TLE5: variants seen among roughly 807,000 people sequenced by gnomAD.
The protein encoded by TLE5 is TLE family member 5.
Under a neutral mutation model 25.8 loss-of-function variants are expected in TLE5, and 7 were observed. The ratio of observed to expected loss-of-function variants is 0.27; its 90% confidence interval spans 0.15 to 0.51. The LOEUF (loss-of-function observed/expected upper bound fraction) is 0.51, where lower values mean the gene tolerates loss of function less well. TLE5 is among the 20% of genes least tolerant of loss of function. TLE5 has a pLI of 0.97. For synonymous variants in TLE5, 132 were observed against 110.5 expected, an observed-to-expected ratio of 1.20 and a Z score of -1.22; for missense variants, 149 against 250.7, an observed-to-expected ratio of 0.59 and a Z score of 2.74.
intron 2 of TLE5, among the ~76,000 whole-genome samples, chr19:3,059,463 A>G (rs535414013): frequency 6.6e-5 from 10 of 152,358 alleles, no homozygotes; most frequent in African/African-American, 1.9e-4. Flanking sequence ...TGGAGGTTGC[A>G]GTGAGCCGAG....
At chr19:3,054,086 T>TCGGGGGGGGGGGCCCCCCCC in intron 6 of TLE5, 34 bp downstream of exon 6, 24 of 1,512,654 alleles carry the variant, frequency 1.6e-5, no homozygotes, top group Middle Eastern at 2.4e-4. Context: ...GGCCCACCTG[T>TCGGGGGGGGGGGCCCCCCCC]CCCCCGCCCA....
At chr19:3,060,839 G>A (rs558482126) in intron 2 of TLE5, 1 of 184,960 alleles carries the variant, frequency 5.4e-6, no homozygotes, top group East Asian at 1.4e-4. Flanking sequence ...GTTGAGGGAT[G>A]GCGAGTCCGT....
chr19:3,061,890 G>C (rs1246360996), intron 1 of TLE5, among the ~76,000 whole-genome samples: 19 of 145,564 alleles, frequency 1.3e-4, no homozygotes, highest in Non-Finnish European at 2.1e-4. Flanking sequence ...GCGGGTTGGG[G>C]GGGGGGGGCG....
chr19:3,062,059 G>A (rs1439645464), intron 1 of TLE5, 115 bp downstream of exon 1: 60 of 294,122 alleles, frequency 2.0e-4, no homozygotes, highest in African/African-American at 1.5e-3. Flanking sequence ...TGGGGGGGGC[G>A]CCGGGCCGGA....
Position 3,053,936 on chromosome 19 carries a change from T to C in TLE5, c.477A>G (p.Ala159=), listed in dbSNP as rs140000877. 21 of 1,612,316 alleles carry C rather than the reference T, an allele frequency of 1.3e-5. No homozygotes were observed. In the African/African-American group the frequency reaches 2.4e-4, roughly 18 times the overall value. The change falls in exon 7 of 7, where the codon GCA becomes GCG. Residue 159 remains alanine, a synonymous_variant. Coordinates refer to ENST00000327141, the MANE Select transcript of TLE5 (RefSeq NM_001130.6). ...CGGACAGCGAGAGGAGGCCGGTGCCTGCGCTGACCGCCGGCAGCGAAGGCG... is the reference window on the plus strand; with the variant it reads ...CGGACAGCGAGAGGAGGCCGGTGCCCGCGCTGACCGCCGGCAGCGAAGGCG... ...LQPPSLPAVS[A]GTGLLSLSAL... is the part of the protein sequence containing the mutation.
At position 3,053,581 on chromosome 19, in the gene TLE5, G is replaced by A. The variant is rs1157934200; in HGVS notation, c.*238C>T. The A allele has an allele frequency of 1.7e-6, 1 of 585,456 alleles. No homozygotes were observed. The highest frequency in any genetic ancestry group is 1.9e-5 in the African/African-American group (1 of 53,526). 36.3% of individuals were successfully genotyped at this position (585,456 alleles called of 1,614,324 possible). ...AGGCCTTAGCTTGCCTCACATGTCA[G>A]GGCAGGTATCCACCTAACCAGGCTG... On this transcript the variant is annotated 3_prime_UTR_variant, in exon 7 of 7. Coordinates refer to ENST00000327141, the MANE Select transcript of TLE5 (RefSeq NM_001130.6).
rs1168859846 is a variant in TLE5 at position 3,053,410 on chromosome 19, G to C, written c.*409C>G. 5.3e-6 allele frequency: 1 copy of C among 188,754 alleles called. No homozygotes were observed. Among genetic ancestry groups the C allele is most frequent in the Non-Finnish European group, 1.1e-5 (1 of 90,934 alleles). 11.7% of individuals were successfully genotyped at this position (188,754 alleles called of 1,614,324 possible). ...GCCCAGGACGGGAAAGGGGCAGCTA[G>C]CATTGCGTGCATGCAGTACCAGGGT... is the stretch of plus-strand genomic sequence containing the variant. On this transcript the variant is annotated 3_prime_UTR_variant, in exon 7 of 7. Transcript: ENST00000327141.
At chr19:3,054,086 T>TCGGGGGGGGGGGGGGGGGCCCCCCCC in intron 6 of TLE5, 34 bp downstream of exon 6, 1 of 1,512,818 alleles carries the variant, frequency 6.6e-7, no homozygotes, top group Non-Finnish European at 8.9e-7. Flanking sequence ...GGCCCACCTG[T>TCGGGGGGGGGGGGGGGGGCCCCCCCC]CCCCCGCCCA....
At chr19:3,061,895 G>T (rs1207869633) in intron 1 of TLE5, among the ~76,000 whole-genome samples, 1 of 143,926 alleles carries the variant, frequency 6.9e-6, no homozygotes, top group African/African-American at 2.6e-5. Flanking sequence ...TTGGGGGGGG[G>T]GGGCGCCAAG....
intron 5 of TLE5, chr19:3,054,569 C>T (rs4807391): frequency 0.19 from 56,660 of 297,008 alleles, 6,270 homozygotes; most frequent in Non-Finnish European, 0.22. Context: ...ACACAACCTG[C>T]CCAACTGTAC....
Position 3,061,639 on chromosome 19 carries a change from C to T in TLE5, c.28-382G>A, listed in dbSNP as rs532157594. Among the ~76,000 whole-genome samples the T allele has an allele frequency of 1.8e-4, 28 of 151,786 alleles. No individual in the cohort carries two copies. In the South Asian group the frequency reaches 4.0e-3, roughly 21 times the overall value. On this transcript the variant is annotated intron_variant, in intron 1 of 6. Transcript: ENST00000327141. ...CTCCCCAAGTTGGGGGGCAGCGATT[C>T]CTCCCTGCAAAGTCCTCTTGGGGGA...
Position 3,056,332 on chromosome 19 carries a change from TC to T in TLE5, c.213del (p.Asn72ThrfsTer14). 7.4e-7 allele frequency: 1 copy of T among 1,343,906 alleles called. No individual in the cohort carries two copies. The highest frequency in any genetic ancestry group is 9.8e-7 in the Non-Finnish European group (1 of 1,023,250). 83.2% of individuals were successfully genotyped at this position (1,343,906 alleles called of 1,614,324 possible). On this transcript the variant is annotated frameshift_variant, in exon 4 of 7. Coordinates refer to ENST00000327141, the MANE Select transcript of TLE5 (RefSeq NM_001130.6). LOFTEE classifies it high-confidence loss of function. ...YVMYYEMSYGLNIEMHKQAEI... is the reference protein window; with the variant it reads ...YVMYYEMSYGXNIEMHKQAEI... ...CGTACCTGTTTGTGCATCTCGATGT[TC>T]AAGCCGTAGGACATCTCGTAGTACT...
intron 3 of TLE5, chr19:3,057,462 C>T (rs529849049): frequency 2.5e-5 from 14 of 563,624 alleles, no homozygotes; most frequent in Middle Eastern, 4.8e-4. Context: ...GTCTGCAACC[C>T]GGCGGTTTGG....
Position 3,061,143 on chromosome 19 carries a change from C to T in TLE5, c.125+17G>A, listed in dbSNP as rs560897163. On this transcript the variant is annotated intron_variant, in intron 2 of 6. Transcript: ENST00000327141. ...TCACATTCTCGGGACGCAGGGACCC[C>T]CAGTCCCCCAGCTCACCTGTGGTAC... The T allele has an allele frequency of 1.9e-6, 3 of 1,595,590 alleles. No homozygotes were observed. The East Asian group carries it at 6.7e-5, about 36-fold the overall frequency.
At chr19:3,061,755 G>C (rs2090270593) in intron 1 of TLE5, among the ~76,000 whole-genome samples, 1 of 151,378 alleles carries the variant, frequency 6.6e-6, no homozygotes, top group Admixed American at 6.6e-5. Context: ...TTCCGGGAGG[G>C]GTGCGCCTCG....
intron 1 of TLE5, among the ~76,000 whole-genome samples, chr19:3,061,897 G>GC (rs1287237547): frequency 7.1e-6 from 1 of 141,128 alleles, no homozygotes; most frequent in African/African-American, 2.7e-5. Context: ...GGGGGGGGGG[G>GC]GCGCCAAGCC....
intron 1 of TLE5, 101 bp from the exon 2 acceptor site, chr19:3,061,358 C>A: frequency 1.2e-6 from 1 of 844,588 alleles, no homozygotes; most frequent in Non-Finnish European, 1.9e-6. Context: ...CGCCCCCCCT[C>A]CTGCCCCACT....
At position 3,053,569 on chromosome 19, in the gene TLE5, C is replaced by A; in HGVS notation, c.*250G>T. ...ATCTGACCCTCCAGGCCTTAGCTTG[C>A]CTCACATGTCAGGGCAGGTATCCAC... On this transcript the variant is annotated 3_prime_UTR_variant, in exon 7 of 7. Transcript: ENST00000327141. 1.8e-6 allele frequency: 1 copy of A among 571,134 alleles called. No homozygotes were observed. Among genetic ancestry groups the A allele is most frequent in the East Asian group, 2.9e-5 (1 of 34,110 alleles). 35.4% of individuals were successfully genotyped at this position (571,134 alleles called of 1,614,324 possible). A position where few individuals can be genotyped will look rare whatever the true frequency, so the allele number is the denominator to read the frequency against.
rs951733808 is a variant in TLE5 at position 3,053,620 on chromosome 19, G to A, written c.*199C>T. On this transcript the variant is annotated 3_prime_UTR_variant, in exon 7 of 7. Coordinates refer to ENST00000327141, the MANE Select transcript of TLE5 (RefSeq NM_001130.6). The stretch of plus-strand genomic sequence containing the variant: ...CTAACCAGGCTGCAGGGGAGGAGGA[G>A]GGAAGCCGGGAATGGGGTAGGAAGA... The A allele has an allele frequency of 6.4e-6, 4 of 621,138 alleles. No homozygotes were observed. The African/African-American group carries it at 7.4e-5, about 11-fold the overall frequency. 38.5% of individuals were successfully genotyped at this position (621,138 alleles called of 1,614,324 possible).
Sources: allele counts gnomAD v4.1 joint callset (sites outside exome capture counted in the v4.1 genomes callset), GRCh38; gene constraint gnomAD v4.1.1; transcripts MANE v1.5; gene names NCBI Gene and HGNC (gene_info 2026-07-23, HGNC 2026-07-21).